Variants in CHRM3 observed in about 807,000 individuals in gnomAD.
CHRM3 encodes the protein cholinergic receptor muscarinic 3, also known as muscarinic acetylcholine receptor M3.
A neutral mutation model predicts 41.8 loss-of-function variants in CHRM3; 11 were observed. The ratio of observed to expected loss-of-function variants is 0.26; its 90% CI spans 0.17 to 0.44. The LOEUF is 0.44. Among genes scored for constraint, CHRM3 ranks in the 20% least tolerant of loss-of-function variants. The probability of loss-of-function intolerance (pLI) is 1.00; values close to 1 mark genes in which losing one functional copy is unlikely to be tolerated. For synonymous variants in CHRM3, 297 were observed against 301.4 expected (o/e 0.99, Z 0.15); for missense variants, 571 against 745.4 (o/e 0.77, Z 2.72).
At chr1:239,668,480 A>G (rs1674045815) in intron 4 of CHRM3, among the ~76,000 whole-genome samples, 1 of 152,090 alleles carries the variant, frequency 6.6e-6, no homozygotes, top group African/African-American at 2.4e-5. Context: ...GATACCTTTT[A>G]CATAAAGACC....
chr1:239,496,559 T>A (rs1667901821), intron 2 of CHRM3, among the ~76,000 whole-genome samples: 1 of 150,306 alleles, frequency 6.7e-6, no homozygotes, highest in African/African-American at 2.4e-5. Context: ...TTATATATAT[T>A]ATACGGTTGT....
intron 6 of CHRM3, among the ~76,000 whole-genome samples, chr1:239,864,421 C>T (rs60026250): frequency 0.041 from 6,226 of 152,016 alleles, 430 homozygotes; most frequent in African/African-American, 0.14. Flanking sequence ...GCAGGAGAAT[C>T]GCTTGAATCT....
intron 1 of CHRM3, among the ~76,000 whole-genome samples, chr1:239,415,714 T>C (rs200853488): frequency 1.3e-5 from 2 of 152,184 alleles, no homozygotes; most frequent in Non-Finnish European, 2.9e-5. Flanking sequence ...TATGTGGCTG[T>C]TTAAATAAGA....
intron 5 of CHRM3, among the ~76,000 whole-genome samples, chr1:239,809,019 ATTT>A (rs34075379): frequency 1.6e-5 from 2 of 125,214 alleles, no homozygotes; most frequent in Non-Finnish European, 3.2e-5. Flanking sequence ...TCTGAAGTCC[ATTT>A]TTTTTTTTTT....
At chr1:239,698,850 A>G (rs1381987453) in intron 5 of CHRM3, among the ~76,000 whole-genome samples, 1 of 152,100 alleles carries the variant, frequency 6.6e-6, no homozygotes, top group African/African-American at 2.4e-5. Flanking sequence ...TGCCTCACAG[A>G]CCCACTTGCA....
chr1:239,572,837 G>T (rs1661955105), intron 3 of CHRM3, among the ~76,000 whole-genome samples: 1 of 152,134 alleles, frequency 6.6e-6, no homozygotes, highest in Non-Finnish European at 1.5e-5. Context: ...TGTTATTAAG[G>T]ATTCCACAAA....
chr1:239,438,937 A>C (rs75860419), intron 1 of CHRM3, among the ~76,000 whole-genome samples: 9 of 152,192 alleles, frequency 5.9e-5, no homozygotes, highest in African/African-American at 2.2e-4. Context: ...GAAACAAATA[A>C]TATTTAATGT....
At chr1:239,901,864 T>C (rs1679602996) in intron 6 of CHRM3, among the ~76,000 whole-genome samples, 1 of 152,152 alleles carries the variant, frequency 6.6e-6, no homozygotes, top group East Asian at 1.9e-4. Context: ...TTCTAGAGGG[T>C]AGATACCTAG....
At chr1:239,622,729 T>C (rs1275508412) in intron 3 of CHRM3, among the ~76,000 whole-genome samples, 1 of 152,192 alleles carries the variant, frequency 6.6e-6, no homozygotes, top group Non-Finnish European at 1.5e-5. Context: ...TTGGTGAAGA[T>C]ACTGTGAATA....
intron 5 of CHRM3, among the ~76,000 whole-genome samples, chr1:239,701,571 C>G (rs1402951173): frequency 6.6e-6 from 1 of 152,194 alleles, no homozygotes; most frequent in Non-Finnish European, 1.5e-5. Flanking sequence ...AATTACCTAG[C>G]TCAGCTATCT....
intron 5 of CHRM3, among the ~76,000 whole-genome samples, chr1:239,728,359 A>G (rs533588389): frequency 6.6e-6 from 1 of 152,094 alleles, no homozygotes; most frequent in East Asian, 1.9e-4. Flanking sequence ...AAACATGCCT[A>G]TTCTGTAACC....
chr1:239,526,103 C>T (rs905932368), intron 2 of CHRM3, among the ~76,000 whole-genome samples: 15 of 152,094 alleles, frequency 9.9e-5, no homozygotes, highest in African/African-American at 2.4e-4. Context: ...ATGGGGCAAT[C>T]GGAATTAAGC....
intron 1 of CHRM3, among the ~76,000 whole-genome samples, chr1:239,392,263 A>T (rs775507558): frequency 1.3e-5 from 2 of 152,150 alleles, no homozygotes; most frequent in Admixed American, 1.3e-4. Flanking sequence ...GCCCGGTTCC[A>T]CTTGACAAAT....
intron 2 of CHRM3, among the ~76,000 whole-genome samples, chr1:239,520,074 A>T (rs1440393813): frequency 3.3e-5 from 5 of 152,170 alleles, no homozygotes; most frequent in Non-Finnish European, 7.3e-5. Flanking sequence ...GTATTGTCTC[A>T]TATACCAAAT....
intron 1 of CHRM3, among the ~76,000 whole-genome samples, chr1:239,395,950 A>G (rs972817060): frequency 6.6e-6 from 1 of 152,002 alleles, no homozygotes; most frequent in Non-Finnish European, 1.5e-5. Flanking sequence ...ACCCTATTTC[A>G]TGGCTTGGGT....
At chr1:239,794,484 G>A (rs573606607) in intron 5 of CHRM3, among the ~76,000 whole-genome samples, 2 of 150,060 alleles carry the variant, frequency 1.3e-5, no homozygotes, top group South Asian at 4.3e-4. Flanking sequence ...GGATGATTCA[G>A]TAACATTCAA....
rs949944969 is a variant in CHRM3 at position 239,704,869 on chromosome 1, T to C, written c.-147+26581T>C. 4 of 152,328 alleles carry C rather than the reference T, an allele frequency of 2.6e-5. No homozygotes were observed. The East Asian group carries it at 7.7e-4, about 29-fold the overall frequency. The allele number at this position is 152,328 out of a possible 1,614,324, so 9.4% of individuals were successfully genotyped here. Reference sequence around the variant, plus strand: ...GGCTAAATGATAATCATAAATTCTATAGGCATGCATGGAAAGGAAAGACAC... The same window carrying C: ...GGCTAAATGATAATCATAAATTCTACAGGCATGCATGGAAAGGAAAGACAC... On this transcript the variant is annotated intron_variant, in intron 5 of 6. Coordinates refer to ENST00000676153, the MANE Select transcript of CHRM3 (RefSeq NM_001375978.1).
intron 3 of CHRM3, among the ~76,000 whole-genome samples, chr1:239,609,830 G>A (rs1468740295): frequency 6.6e-6 from 1 of 151,968 alleles, no homozygotes; most frequent in African/African-American, 2.4e-5. Flanking sequence ...ATTTCTACTG[G>A]GCTGTTTGTC....
chr1:239,528,041 T>C (rs1042142638), intron 2 of CHRM3, among the ~76,000 whole-genome samples: 1 of 152,194 alleles, frequency 6.6e-6, no homozygotes, highest in Admixed American at 6.5e-5. Context: ...ACTCCATCTC[T>C]AAAATGAGGA....
Sources: gnomAD v4.1 joint callset for allele counts (sites outside exome capture counted in the v4.1 genomes callset) on GRCh38, gnomAD v4.1.1 for gene constraint, MANE v1.5 for transcripts, NCBI Gene and HGNC (gene_info 2026-07-23, HGNC 2026-07-21) for gene names.